Variants in DIP2C observed in about 807,000 individuals in gnomAD.
DIP2C encodes the protein disco-interacting protein 2 homolog C.
Under a neutral mutation model 192.4 loss-of-function variants are expected in DIP2C, and 33 were observed. That is an observed-to-expected ratio of 0.17 (90% CI 0.13 to 0.23). DIP2C has a LOEUF of 0.23. DIP2C is among the 10% of genes least tolerant of loss of function. The pLI is 1.00. For missense variants in DIP2C, 1,537 were observed against 2,110.1 expected (o/e 0.73, Z 5.32); for synonymous variants, 979 against 864.1 (o/e 1.13, Z -2.33).
chr10:348,801 C>A (rs1424645447), intron 25 of DIP2C, 39 bp from the exon 26 acceptor site: 1 of 1,609,134 alleles, frequency 6.2e-7, no homozygotes, highest in South Asian at 1.1e-5. Context: ...AAGCAGACCA[C>A]GCTGCTGAGT....
chr10:435,287 CT>C (rs1830129454), intron 4 of DIP2C, among the ~76,000 whole-genome samples: 1 of 152,188 alleles, frequency 6.6e-6, no homozygotes, highest in African/African-American at 2.4e-5. Context: ...TAACTAGCTT[CT>C]CTGGAAGGTA....
intron 32 of DIP2C, among the ~76,000 whole-genome samples, chr10:305,239 T>C (rs948290435): frequency 1.3e-5 from 2 of 152,174 alleles, no homozygotes; most frequent in Admixed American, 1.3e-4. Flanking sequence ...ACAGGCAAGC[T>C]CGCACATGTA....
At chr10:580,924 T>TAA (rs983975452) in intron 1 of DIP2C, among the ~76,000 whole-genome samples, 1 of 151,952 alleles carries the variant, frequency 6.6e-6, no homozygotes, top group Non-Finnish European at 1.5e-5. Flanking sequence ...AAGCACTCCT[T>TAA]AAAAAATTAG....
chr10:507,736 G>A (rs816586), intron 1 of DIP2C, among the ~76,000 whole-genome samples: 3,759 of 152,240 alleles, frequency 0.025, 136 homozygotes, highest in African/African-American at 0.08. Context: ...CAGTACTGAC[G>A]ATTGAAGATC....
At chr10:544,822 T>G (rs1050607794) in intron 1 of DIP2C, among the ~76,000 whole-genome samples, 14 of 152,266 alleles carry the variant, frequency 9.2e-5, no homozygotes, top group African/African-American at 3.1e-4. Flanking sequence ...ATTCTTGATA[T>G]CAGGCCCTTA....
At chr10:640,721 GCGGGGAAGAGGGTGGGC>G (rs1855137853) in intron 1 of DIP2C, among the ~76,000 whole-genome samples, 2 of 2,192 alleles carry the variant, frequency 9.1e-4, no homozygotes, top group East Asian at 0.028. Context: ...GAGGCTGCGC[GCGGGGAAGAGGGTGGGC>G]GCCGGGAAGA....
rs976901982 is a variant in DIP2C at position 356,419 on chromosome 10, G to T, written c.2985+7C>A. 1.2e-6 allele frequency: 2 copies of T among 1,610,508 alleles called. No homozygotes were observed. Among genetic ancestry groups the T allele is most frequent in the African/African-American group, 1.3e-5 (1 of 74,938 alleles). ...AGTAGCCAGGGAAGGCCAGCTCCGC[G>T]CCTCACCCGACAGTTGAGCAGCGTG... On this transcript the variant is annotated splice_region_variant and intron_variant, in intron 24 of 36. Coordinates refer to ENST00000280886, the MANE Select transcript of DIP2C (RefSeq NM_014974.3).
chr10:312,494 C>A (rs1177976470), intron 31 of DIP2C, among the ~76,000 whole-genome samples: 2 of 152,174 alleles, frequency 1.3e-5, no homozygotes, highest in African/African-American at 2.4e-5. Flanking sequence ...CTAGAGACAG[C>A]AGCTGCAGCA....
At chr10:429,755 G>A (rs1966839254) in intron 4 of DIP2C, among the ~76,000 whole-genome samples, 1 of 151,858 alleles carries the variant, frequency 6.6e-6, no homozygotes, top group Non-Finnish European at 1.5e-5. Flanking sequence ...TTGTCTGTAT[G>A]TACCACAGTT....
intron 28 of DIP2C, among the ~76,000 whole-genome samples, chr10:342,394 G>A (rs549134733): frequency 3.2e-4 from 49 of 152,210 alleles, no homozygotes; most frequent in African/African-American, 9.4e-4. Flanking sequence ...TCCTGACCTC[G>A]TGATCCACCC....
chr10:579,679 G>C (rs1056265982), intron 1 of DIP2C, among the ~76,000 whole-genome samples: 6 of 152,030 alleles, frequency 3.9e-5, no homozygotes, highest in African/African-American at 1.5e-4. Flanking sequence ...ATGTACGTAA[G>C]TGCAGTATAA....
At chr10:311,025 G>GA (rs150334490) in intron 31 of DIP2C, among the ~76,000 whole-genome samples, 630 of 146,816 alleles carry the variant, frequency 4.3e-3, no homozygotes, top group Middle Eastern at 0.021. Flanking sequence ...TTATATATAA[G>GA]AAAAAAAAAA....
intron 23 of DIP2C, 148 bp downstream of exon 23, chr10:357,680 T>G: frequency 1.7e-6 from 1 of 578,884 alleles, no homozygotes; most frequent in Non-Finnish European, 3.0e-6. Context: ...TCGGGGACTG[T>G]CGGGGACGGT....
intron 1 of DIP2C, among the ~76,000 whole-genome samples, chr10:678,823 TG>T (rs1564335400): frequency 1.2e-5 from 1 of 85,138 alleles, no homozygotes; most frequent in East Asian, 3.5e-4. Flanking sequence ...CCCGCGCCCA[TG>T]CTCCCCACAC....
chr10:646,102 G>A (rs891780294), intron 1 of DIP2C, among the ~76,000 whole-genome samples: 2 of 152,360 alleles, frequency 1.3e-5, no homozygotes, highest in East Asian at 3.9e-4. Context: ...GGGGCCTCCA[G>A]GAAACACTGG....
At position 537,937 on chromosome 10, in the gene DIP2C, G is replaced by A. The variant is rs558548115; in HGVS notation, c.86-51407C>T. ...CCCAAGCAGCCTGGATTACAGGCACGCGCCACCATGCCTGGCTATTTTTTG... is the reference window on the plus strand; with the variant it reads ...CCCAAGCAGCCTGGATTACAGGCACACGCCACCATGCCTGGCTATTTTTTG... On this transcript the variant is annotated intron_variant, in intron 1 of 36. Coordinates refer to ENST00000280886, the MANE Select transcript of DIP2C (RefSeq NM_014974.3). 4.6e-5 allele frequency among the ~76,000 whole-genome samples: 7 copies of A among 151,976 alleles called. 1 individual carries two copies. The South Asian group carries it at 1.0e-3, about 23-fold the overall frequency.
chr10:611,299 G>A (rs952854108), intron 1 of DIP2C, among the ~76,000 whole-genome samples: 1 of 152,172 alleles, frequency 6.6e-6, no homozygotes, highest in Admixed American at 6.5e-5. Context: ...ACAGCCCACA[G>A]AACAGTATGC....
At chr10:445,510 C>T (rs1158518598) in intron 3 of DIP2C, among the ~76,000 whole-genome samples, 1 of 152,004 alleles carries the variant, frequency 6.6e-6, no homozygotes, top group African/African-American at 2.4e-5. Context: ...GTCTATCTTG[C>T]ACTGGGCATC....
intron 1 of DIP2C, among the ~76,000 whole-genome samples, chr10:605,616 T>C (rs1852404927): frequency 6.6e-6 from 1 of 152,144 alleles, no homozygotes; most frequent in Non-Finnish European, 1.5e-5. Flanking sequence ...GGCCCCAATA[T>C]GAAGCAGAGA....
Sources: allele counts gnomAD v4.1 joint callset (sites outside exome capture counted in the v4.1 genomes callset), GRCh38; gene constraint gnomAD v4.1.1; transcripts MANE v1.5; gene names NCBI Gene and HGNC (gene_info 2026-07-23, HGNC 2026-07-21).